The following WDR86 variants were observed in gnomAD, a reference collection of about 807,000 sequenced individuals.
WDR86 encodes WD repeat-containing protein 86.
A neutral mutation model predicts 36.5 loss-of-function variants in WDR86; 30 were observed. The ratio of observed to expected loss-of-function variants is 0.82; its 90% CI spans 0.61 to 1.11. WDR86 has a LOEUF of 1.11. Ranked by LOEUF, WDR86 falls within the 50% of genes most tolerant of loss-of-function variation. The pLI, the probability that WDR86 is intolerant of heterozygous loss-of-function variation, is 0.00. For missense variants in WDR86, 545 were observed against 561.2 expected, an observed-to-expected ratio of 0.97 and a Z score of 0.29; for synonymous variants, 255 against 252.9, an observed-to-expected ratio of 1.01 and a Z score of -0.08.
chr7:151,384,939 C>G, intron 4 of WDR86, 149 bp downstream of exon 4: 1 of 878,812 alleles, frequency 1.1e-6, no homozygotes, highest in Non-Finnish European at 1.7e-6. Context: ...GCTGGAAGCA[C>G]GGGTGTGTGG....
chr7:151,382,444 G>A (rs1798671755), intron 4 of WDR86, among the ~76,000 whole-genome samples: 1 of 152,204 alleles, frequency 6.6e-6, no homozygotes, highest in East Asian at 1.9e-4. Context: ...GCGGGGGCGA[G>A]CCTCCGACCT....
chr7:151,407,029 T>G (rs140315178), intron 1 of WDR86, among the ~76,000 whole-genome samples: 1 of 152,220 alleles, frequency 6.6e-6, no homozygotes, highest in Non-Finnish European at 1.5e-5. Flanking sequence ...ATGACTCTTT[T>G]GCAAGTTGAG....
downstream of WDR86, chr7:151,374,028 G>C (rs1180184669): frequency 9.5e-6 from 14 of 1,470,520 alleles, no homozygotes; most frequent in African/African-American, 2.8e-5. Flanking sequence ...GAATCCTGCA[G>C]AGCGCAGACT....
downstream of WDR86, chr7:151,377,164 T>C: frequency 6.3e-7 from 1 of 1,590,438 alleles, no homozygotes; most frequent in Non-Finnish European, 8.6e-7. Flanking sequence ...GATGAAGAAA[T>C]TATTATTGCA....
In WDR86 at chr7:151,400,588, A is replaced by G. The variant is rs536967026; in HGVS notation, c.164-347T>C. 2.0e-5 allele frequency among the ~76,000 whole-genome samples: 3 copies of G among 152,252 alleles called. No individual in the cohort carries two copies. In the East Asian group the frequency reaches 5.8e-4, roughly 29 times the overall value. ...AGTAGAGATGGGGTTTCGCCATGTT[A>G]GTCAGGCTGGTCTCGAACTCCTGAC... is the stretch of plus-strand genomic sequence containing the variant. On this transcript the variant is annotated intron_variant, in intron 1 of 5. Transcript: ENST00000334493.
At position 151,409,860 on chromosome 7, in the gene WDR86, A is replaced by C. The variant is rs142671783; in HGVS notation, c.-271T>G. ...GAGTCCTGGGCGCGCGGGCAGAGAG[A>C]ACCCCCTTCCCAGCACCGCTCGGAG... On this transcript the variant is annotated 5_prime_UTR_variant, in exon 1 of 6. Transcript: ENST00000334493. This position sits in a 1 kb window ranked among gnomAD's most constrained non-coding sequence, Gnocchi z 5.2. The C allele has an allele frequency of 4.1e-3, 4,941 of 1,206,098 alleles. 166 individuals are homozygous for C. In the African/African-American group the frequency reaches 0.071, roughly 17 times the overall value. 74.7% of individuals were successfully genotyped at this position (1,206,098 alleles called of 1,614,324 possible).
At chr7:151,394,853 C>T (rs1401050274) in intron 3 of WDR86, among the ~76,000 whole-genome samples, 1 of 152,244 alleles carries the variant, frequency 6.6e-6, no homozygotes, top group Non-Finnish European at 1.5e-5. Flanking sequence ...TGAGAACCCC[C>T]AGGCACCGGG....
intron 3 of WDR86, among the ~76,000 whole-genome samples, chr7:151,394,327 C>T (rs926938152): frequency 1.3e-5 from 2 of 152,172 alleles, no homozygotes; most frequent in East Asian, 1.9e-4. Flanking sequence ...GCCCCGGGGC[C>T]GCCTCTACCC....
chr7:151,395,677 T>C, intron 3 of WDR86, 99 bp downstream of exon 3: 1 of 1,382,694 alleles, frequency 7.2e-7, no homozygotes, highest in Middle Eastern at 2.6e-4. Context: ...CTGCAGCGCT[T>C]TGTTATGCAG....
chr7:151,403,499 G>A (rs1005879278), intron 1 of WDR86, among the ~76,000 whole-genome samples: 3 of 151,850 alleles, frequency 2.0e-5, no homozygotes, highest in Admixed American at 6.6e-5. Context: ...CCCTTCCCCC[G>A]ACCCCCTGAG....
downstream of WDR86, chr7:151,374,482 C>T (rs1284047675): frequency 1.7e-6 from 1 of 599,024 alleles, no homozygotes; most frequent in Non-Finnish European, 3.0e-6. Context: ...CTGTCCACAC[C>T]AGCACAGTCC....
intron 2 of WDR86, among the ~76,000 whole-genome samples, chr7:151,398,299 GTGTA>G (rs1404156333): frequency 1.8e-4 from 26 of 148,380 alleles, no homozygotes; most frequent in African/African-American, 3.4e-4. Flanking sequence ...TGTATGTTGT[GTGTA>G]TGTGTGTAAG....
downstream of WDR86, among the ~76,000 whole-genome samples, chr7:151,375,555 T>C (rs1189652780): frequency 6.6e-6 from 1 of 152,250 alleles, no homozygotes; most frequent in African/African-American, 2.4e-5. Flanking sequence ...TTTCTGTCTG[T>C]AGCTCTGACA....
downstream of WDR86, among the ~76,000 whole-genome samples, chr7:151,372,390 C>T (rs1798001102): frequency 2.6e-5 from 4 of 152,206 alleles, no homozygotes; most frequent in South Asian, 8.3e-4. Flanking sequence ...TTCTTCGAAG[C>T]TCCCAGTTGG....
At chr7:151,383,581 T>C (rs774063631) in intron 4 of WDR86, among the ~76,000 whole-genome samples, 23 of 152,298 alleles carry the variant, frequency 1.5e-4, no homozygotes, top group Non-Finnish European at 3.2e-4. Context: ...CTTCCCAAAG[T>C]GCTGGGATTA....
In WDR86 at chr7:151,409,355, A is replaced by C. The variant is rs1459300670; in HGVS notation, c.163+72T>G. 6 of 1,536,586 alleles carry C rather than the reference A, an allele frequency of 3.9e-6. No individual in the cohort carries two copies. Among genetic ancestry groups the C allele is most frequent in the Non-Finnish European group, 5.3e-6 (6 of 1,137,518 alleles). Reference sequence around the variant, plus strand: ...CTTCTAGAAAGGGGTCTGCGGGCGCAGGAGCTGGGGTCCGCGGTCTGGGGC... The same window carrying C: ...CTTCTAGAAAGGGGTCTGCGGGCGCCGGAGCTGGGGTCCGCGGTCTGGGGC... On this transcript the variant is annotated intron_variant, in intron 1 of 5. Transcript: ENST00000334493. This position sits in a 1 kb window ranked among gnomAD's most constrained non-coding sequence, Gnocchi z 5.2.
Position 151,390,184 on chromosome 7 carries a change from C to T in WDR86, c.727-4961G>A, listed in dbSNP as rs574240847. 4.6e-5 allele frequency among the ~76,000 whole-genome samples: 7 copies of T among 152,130 alleles called. No individual in the cohort carries two copies. Among genetic ancestry groups the T allele is most frequent in the African/African-American group, 1.4e-4 (6 of 41,420 alleles). The stretch of plus-strand genomic sequence containing the variant: ...CGGAGCACTCGCAGGGCCAGGGCTG[C>T]GGAGCAGGGGAGGAGCTGGAGGGGA... On this transcript the variant is annotated intron_variant, in intron 3 of 5. Coordinates refer to ENST00000334493, the MANE Select transcript of WDR86 (RefSeq NM_198285.3). The surrounding 1 kb of genome is among the most constrained non-coding windows in gnomAD (Gnocchi z 4.5).
downstream of WDR86, chr7:151,376,288 G>A (rs569896195): frequency 1.8e-4 from 84 of 468,362 alleles, no homozygotes; most frequent in Admixed American, 1.2e-3. Context: ...CCCAAGTGAC[G>A]GCTCTGTCCA....
chr7:151,407,135 C>T (rs781151952), intron 1 of WDR86, among the ~76,000 whole-genome samples: 28 of 152,174 alleles, frequency 1.8e-4, no homozygotes, highest in Non-Finnish European at 3.7e-4. Flanking sequence ...AAAAACAATC[C>T]TAGCAAAATG....
Sources: gnomAD v4.1 joint callset for allele counts (sites outside exome capture counted in the v4.1 genomes callset) on GRCh38, gnomAD v4.1.1 for gene constraint, Gnocchi (gnomAD v3.1) non-coding constraint, MANE v1.5 for transcripts, NCBI Gene and HGNC (gene_info 2026-07-23, HGNC 2026-07-21) for gene names.